MCC: variants seen among roughly 807,000 people sequenced by gnomAD.
The protein encoded by MCC is colorectal mutant cancer protein.
Under a neutral mutation model 116.2 loss-of-function variants are expected in MCC, and 90 were observed. The observed-to-expected ratio is 0.77, with a 90% CI of 0.65 to 0.92. The LOEUF (loss-of-function observed/expected upper bound fraction) is 0.92, where lower values mean the gene tolerates loss of function less well. Ranked by LOEUF, MCC falls within the 40% of genes least tolerant of loss-of-function variation. MCC has a pLI of 0.00. For synonymous variants in MCC, 578 were observed against 510.5 expected, an observed-to-expected ratio of 1.13 and a Z score of -1.78; for missense variants, 1,516 against 1,312.2, an observed-to-expected ratio of 1.16 and a Z score of -2.40.
intron 1 of MCC, among the ~76,000 whole-genome samples, chr5:113,385,694 A>G (rs1272604190): frequency 6.6e-6 from 1 of 152,224 alleles, no homozygotes; most frequent in African/African-American, 2.4e-5. Flanking sequence ...AGCTAACTTT[A>G]GTACTTGTTT....
chr5:113,049,373 G>A lies in MCC; in HGVS notation c.2449-74C>T, dbSNP rs543411451. 1.6e-5 allele frequency: 21 copies of A among 1,320,036 alleles called. 1 individual carries two copies. In the South Asian group the frequency reaches 3.1e-4, roughly 20 times the overall value. The allele number at this position is 1,320,036 out of a possible 1,614,324, so 81.8% of individuals were successfully genotyped here. A position where few individuals can be genotyped will look rare whatever the true frequency, so the allele number is the denominator to read the frequency against. Reference sequence around the variant, plus strand: ...CAGGCCTGGCTGCTGCCAAGTGGGTGGGTGGGGGGTCCCCGGCTATGACCC... The same window carrying A: ...CAGGCCTGGCTGCTGCCAAGTGGGTAGGTGGGGGGTCCCCGGCTATGACCC... On this transcript the variant is annotated intron_variant, in intron 15 of 18. Transcript: ENST00000408903.
chr5:113,148,201 A>G (rs1759641003), intron 4 of MCC, among the ~76,000 whole-genome samples: 1 of 152,232 alleles, frequency 6.6e-6, no homozygotes. Flanking sequence ...ATGTTGATGC[A>G]TGTCTGTGCC....
intron 3 of MCC, among the ~76,000 whole-genome samples, chr5:113,247,900 G>A (rs1472264053): frequency 6.6e-6 from 1 of 152,114 alleles, no homozygotes; most frequent in Non-Finnish European, 1.5e-5. Flanking sequence ...GTCAGATGCT[G>A]AACTAAAGCC....
At position 113,315,897 on chromosome 5, in the gene MCC, A is replaced by T. The variant is rs1332870107; in HGVS notation, c.627+24622T>A. 2.0e-5 allele frequency among the ~76,000 whole-genome samples: 3 copies of T among 151,656 alleles called. No homozygotes were observed. The East Asian group carries it at 5.8e-4, about 29-fold the overall frequency. Reference sequence around the variant, plus strand: ...TGTCTCAAAAAAAAGACAGCAGAAGATTGGGATGATTAGGCCATTTCTTCT... The same window carrying T: ...TGTCTCAAAAAAAAGACAGCAGAAGTTTGGGATGATTAGGCCATTTCTTCT... On this transcript the variant is annotated intron_variant, in intron 3 of 18. Coordinates refer to ENST00000408903, the MANE Select transcript of MCC (RefSeq NM_001085377.2).
chr5:113,289,070 C>T (rs980795090), intron 3 of MCC, among the ~76,000 whole-genome samples: 2 of 152,128 alleles, frequency 1.3e-5, no homozygotes, highest in African/African-American at 4.8e-5. Flanking sequence ...CGGTGGTTCA[C>T]GCCTACAATC....
intron 3 of MCC, among the ~76,000 whole-genome samples, chr5:113,331,824 G>C (rs1253121008): frequency 6.6e-6 from 1 of 151,394 alleles, no homozygotes; most frequent in East Asian, 1.9e-4. Context: ...TATTAGTAGA[G>C]ACGGGGTTTC....
chr5:113,251,682 A>G, intron 3 of MCC, among the ~76,000 whole-genome samples: 1 of 152,232 alleles, frequency 6.6e-6, no homozygotes, highest in Admixed American at 6.5e-5. Flanking sequence ...CGATAAATTC[A>G]GAGTTTGGGG....
intron 2 of MCC, among the ~76,000 whole-genome samples, chr5:113,350,955 C>A (rs1768252575): frequency 6.6e-6 from 1 of 152,046 alleles, no homozygotes; most frequent in Non-Finnish European, 1.5e-5. Context: ...CATTGATTAT[C>A]AGAGCAATGC....
At chr5:113,377,640 A>G (rs1769018907) in intron 2 of MCC, among the ~76,000 whole-genome samples, 1 of 152,196 alleles carries the variant, frequency 6.6e-6, no homozygotes, top group Non-Finnish European at 1.5e-5. Context: ...AGAAGAATCA[A>G]TAGGAATTAG....
rs1767011264 is a variant in MCC, at chr5:113,307,277, T to C, written c.627+33242A>G. Among the ~76,000 whole-genome samples, 4 of 152,374 alleles carry C rather than the reference T, an allele frequency of 2.6e-5. No homozygotes were observed. In the South Asian group the frequency reaches 8.3e-4, roughly 32 times the overall value. On this transcript the variant is annotated intron_variant, in intron 3 of 18. Coordinates refer to ENST00000408903, the MANE Select transcript of MCC (RefSeq NM_001085377.2). ...TAATAATATTAGGTCTTCCAATCCA[T>C]GAACATAGGTGTCTTTTCGTTTACT...
chr5:113,223,996 T>C (rs1310221255), intron 3 of MCC, among the ~76,000 whole-genome samples: 2 of 152,124 alleles, frequency 1.3e-5, no homozygotes, highest in South Asian at 2.1e-4. Flanking sequence ...CCAGCAACAC[T>C]TCCTGGGACT....
intron 1 of MCC, among the ~76,000 whole-genome samples, chr5:113,470,899 A>C (rs1445859901): frequency 6.6e-6 from 1 of 151,958 alleles, no homozygotes; most frequent in Non-Finnish European, 1.5e-5. Context: ...TTTTTTCTCT[A>C]AACTTCTCTT....
chr5:113,168,134 G>C (rs1329528207), intron 3 of MCC, among the ~76,000 whole-genome samples: 1 of 152,080 alleles, frequency 6.6e-6, no homozygotes, highest in Non-Finnish European at 1.5e-5. Context: ...AAGCAACAAA[G>C]TTATGCTGGA....
intron 3 of MCC, among the ~76,000 whole-genome samples, chr5:113,275,419 T>A (rs1463059859): frequency 6.6e-6 from 1 of 152,182 alleles, no homozygotes; most frequent in Non-Finnish European, 1.5e-5. Context: ...GAAGTCACCA[T>A]TAAAATACAG....
chr5:113,418,351 T>TA (rs36043284), intron 1 of MCC, among the ~76,000 whole-genome samples: 95,200 of 151,786 alleles, frequency 0.63, 32,547 homozygotes, highest in African/African-American at 0.91. Context: ...TCAATTGAAA[T>TA]AAAAAATGAA....
At chr5:113,159,627 C>T (rs1183583700) in intron 3 of MCC, among the ~76,000 whole-genome samples, 1 of 152,196 alleles carries the variant, frequency 6.6e-6, no homozygotes, top group African/African-American at 2.4e-5. Context: ...GAAACATCTG[C>T]ACATGAAAAA....
At position 113,201,000 on chromosome 5, in the gene MCC, G is replaced by C. The variant is rs1277243560; in HGVS notation, c.628-49578C>G. ...GGTTATTTGGAGTATGATGGATGGA[G>C]ACCAAACAGTTAAATTCTTATATGG... On this transcript the variant is annotated intron_variant, in intron 3 of 18. Transcript: ENST00000408903. Among the ~76,000 whole-genome samples, 6 of 152,296 alleles carry C rather than the reference G, an allele frequency of 3.9e-5. No homozygotes were observed. In the South Asian group the frequency reaches 1.0e-3, roughly 26 times the overall value.
chr5:113,146,616 C>G (rs1759537837), intron 4 of MCC, among the ~76,000 whole-genome samples: 1 of 152,130 alleles, frequency 6.6e-6, no homozygotes, highest in African/African-American at 2.4e-5. Flanking sequence ...CAAAGTCTCT[C>G]TAGCTTCCAA....
At chr5:113,391,015 G>A (rs1442924737) in intron 1 of MCC, among the ~76,000 whole-genome samples, 4 of 152,134 alleles carry the variant, frequency 2.6e-5, no homozygotes, top group South Asian at 2.1e-4. Context: ...ACAGGTTTCC[G>A]GGCTATAGTT....
Sources: gnomAD v4.1 joint callset for allele counts (sites outside exome capture counted in the v4.1 genomes callset) on GRCh38, gnomAD v4.1.1 for gene constraint, MANE v1.5 for transcripts, NCBI Gene and HGNC (gene_info 2026-07-23, HGNC 2026-07-21) for gene names.